The following MLC1 variants were observed in gnomAD, a reference collection of about 807,000 sequenced individuals.
The protein encoded by MLC1 is modulator of VRAC current 1.
In MLC1, 32 loss-of-function variants were observed where a neutral mutation model predicts 44.7. The observed-to-expected ratio is 0.72, with a 90% CI of 0.54 to 0.96. MLC1 has a LOEUF of 0.96. Among genes scored for constraint, MLC1 ranks in the 40% least tolerant of loss-of-function variants. The pLI is 0.00. For missense variants in MLC1, 459 were observed against 492.2 expected (o/e 0.93, Z 0.64); for synonymous variants, 190 against 213.0 (o/e 0.89, Z 0.94).
intron 8 of MLC1, among the ~76,000 whole-genome samples, chr22:50,071,382 G>A (rs917697370): frequency 2.0e-5 from 3 of 152,130 alleles, no homozygotes; most frequent in East Asian, 1.9e-4. Flanking sequence ...ATGAGCCACC[G>A]CACCTGGCCC....
chr22:50,085,088 A>C (rs1337107380), intron 1 of MLC1, 127 bp from the exon 2 acceptor site: 1 of 1,446,242 alleles, frequency 6.9e-7, no homozygotes, highest in Admixed American at 2.6e-5. Context: ...GAAGAAAATG[A>C]GCACTTGAAT....
At position 50,077,583 on chromosome 22, in the gene MLC1, C is replaced by T. The variant is rs576763327; in HGVS notation, c.424-81G>A. Reference sequence around the variant, plus strand: ...CTTCAGCGTCCACCGGACCACCTCACGGGCAGGCTGCGCAGGACTCTCAGC... The same window carrying T: ...CTTCAGCGTCCACCGGACCACCTCATGGGCAGGCTGCGCAGGACTCTCAGC... On this transcript the variant is annotated intron_variant, in intron 5 of 11. Coordinates refer to ENST00000311597, the MANE Select transcript of MLC1 (RefSeq NM_015166.4). 21 of 1,177,194 alleles carry T rather than the reference C, an allele frequency of 1.8e-5. No homozygotes were observed. In the African/African-American group the frequency reaches 2.0e-4, roughly 11 times the overall value. 72.9% of individuals were successfully genotyped at this position (1,177,194 alleles called of 1,614,324 possible). A position where few individuals can be genotyped will look rare whatever the true frequency, so the allele number is the denominator to read the frequency against.
intron 7 of MLC1, among the ~76,000 whole-genome samples, chr22:50,076,253 G>T (rs1188844668): frequency 6.6e-6 from 1 of 152,126 alleles, no homozygotes; most frequent in Non-Finnish European, 1.5e-5. Flanking sequence ...AAGAAAAGTT[G>T]AAAGTAAGAA....
Position 50,083,054 on chromosome 22 carries a change from A to C in MLC1, c.267+30T>G. Reference sequence around the variant, plus strand: ...AGAGCACGTGCCGGCGAGCTTGGGCACTGGCAGAGGCGTGGAGGAAGCTGC... The same window carrying C: ...AGAGCACGTGCCGGCGAGCTTGGGCCCTGGCAGAGGCGTGGAGGAAGCTGC... On this transcript the variant is annotated intron_variant, in intron 3 of 11. Transcript: ENST00000311597. The surrounding 1 kb of genome is among the most constrained non-coding windows in gnomAD (Gnocchi z 4.6). 11 of 1,606,230 alleles carry C rather than the reference A, an allele frequency of 6.8e-6. No individual in the cohort carries two copies. The highest frequency in any genetic ancestry group is 8.5e-6 in the Non-Finnish European group (10 of 1,173,032).
intron 11 of MLC1, among the ~76,000 whole-genome samples, chr22:50,062,885 A>G (rs919993747): frequency 6.6e-5 from 10 of 152,206 alleles, no homozygotes; most frequent in Admixed American, 5.9e-4. Flanking sequence ...TCTGCCTTTC[A>G]GATGTGGGGG....
intron 9 of MLC1, among the ~76,000 whole-genome samples, chr22:50,069,318 C>T (rs1453671706): frequency 6.6e-6 from 1 of 152,076 alleles, no homozygotes; most frequent in East Asian, 1.9e-4. Context: ...GAGCAGCCTG[C>T]CTTTTCATTC....
intron 10 of MLC1, 149 bp from the exon 11 acceptor site, chr22:50,064,347 A>G (rs2061658581): frequency 2.3e-6 from 2 of 870,630 alleles, no homozygotes; most frequent in Non-Finnish European, 3.6e-6. Context: ...CTATTTCAAC[A>G]ACCTGATGAT....
intron 3 of MLC1, 107 bp from the exon 4 acceptor site, chr22:50,080,504 A>G: frequency 8.1e-7 from 1 of 1,240,716 alleles, no homozygotes; most frequent in Non-Finnish European, 1.1e-6. Flanking sequence ...ATATTCACAA[A>G]ACAGTGTTGC....
intron 9 of MLC1, 148 bp downstream of exon 9, chr22:50,070,379 C>G (rs2061822048): frequency 1.2e-6 from 1 of 824,680 alleles, no homozygotes; most frequent in Non-Finnish European, 2.0e-6. Flanking sequence ...CTCCCACAAC[C>G]CCACCTTCCT....
At chr22:50,070,218 AC>A (rs749140436) in intron 9 of MLC1, among the ~76,000 whole-genome samples, 30 of 152,178 alleles carry the variant, frequency 2.0e-4, no homozygotes, top group Non-Finnish European at 4.1e-4. Context: ...AGAAAAAAAA[AC>A]AATCGACCAG....
Position 50,083,049 on chromosome 22 carries a change from T to G in MLC1, c.267+35A>C, listed in dbSNP as rs778179414. On this transcript the variant is annotated intron_variant, in intron 3 of 11. Coordinates refer to ENST00000311597, the MANE Select transcript of MLC1 (RefSeq NM_015166.4). The surrounding 1 kb of genome is among the most constrained non-coding windows in gnomAD (Gnocchi z 4.6). ...AAACCAGAGCACGTGCCGGCGAGCT[T>G]GGGCACTGGCAGAGGCGTGGAGGAA... The G allele has an allele frequency of 3.8e-6, 6 of 1,598,068 alleles. No homozygotes were observed. The highest frequency in any genetic ancestry group is 1.7e-5 in the Admixed American group (1 of 59,960).
At chr22:50,081,059 G>GAAAGAAAGAAAGAAAGAAAAAGAAA (rs1484447304) in intron 3 of MLC1, among the ~76,000 whole-genome samples, 1 of 19,176 alleles carries the variant, frequency 5.2e-5, no homozygotes, top group African/African-American at 1.4e-4. Flanking sequence ...GAAAGAAAGA[G>GAAAGAAAGAAAGAAAGAAAAAGAAA]GAGGTCTGGT....
Position 50,080,414 on chromosome 22 carries a change from A to G in MLC1, c.268-17T>C. 6.3e-7 allele frequency: 1 copy of G among 1,597,046 alleles called. No individual in the cohort carries two copies. Among genetic ancestry groups the G allele is most frequent in the South Asian group, 1.1e-5 (1 of 88,120 alleles). On this transcript the variant is annotated splice_polypyrimidine_tract_variant and intron_variant, in intron 3 of 11. Transcript: ENST00000311597. ...GGGGATGCACTGGAATGAAACCGGAATCCCATGAGCCTGCCGCTCACCTGA... is the reference window on the plus strand; with the variant it reads ...GGGGATGCACTGGAATGAAACCGGAGTCCCATGAGCCTGCCGCTCACCTGA...
chr22:50,068,628 TGG>T, intron 9 of MLC1, 73 bp from the exon 10 acceptor site: 1 of 659,194 alleles, frequency 1.5e-6, no homozygotes, highest in African/African-American at 2.6e-5. Context: ...TGGCCAGGGC[TGG>T]GGGGGCGGGC....
chr22:50,084,980 C>T lies in MLC1; in HGVS notation c.-59-19G>A, dbSNP rs768922420. On this transcript the variant is annotated intron_variant, in intron 1 of 11. Coordinates refer to ENST00000311597, the MANE Select transcript of MLC1 (RefSeq NM_015166.4). ...TCTTTATCTGGAATAAAATTATCAT[C>T]GGCTTTGGCCACTCTGAGGAAACTT... The T allele has an allele frequency of 2.5e-6, 4 of 1,579,952 alleles. No individual in the cohort carries two copies. The highest frequency in any genetic ancestry group is 2.6e-6 in the Non-Finnish European group (3 of 1,169,472).
chr22:50,067,819 C>T (rs894798411), intron 10 of MLC1, among the ~76,000 whole-genome samples: 1 of 135,458 alleles, frequency 7.4e-6, no homozygotes, highest in Non-Finnish European at 1.6e-5. Context: ...GTGACTCCAT[C>T]CCCCATCAGA....
intron 9 of MLC1, 107 bp downstream of exon 9, chr22:50,070,420 C>G (rs1410798983): frequency 1.8e-6 from 2 of 1,119,730 alleles, no homozygotes; most frequent in Non-Finnish European, 2.6e-6. Flanking sequence ...CCAGTCACTG[C>G]GCTCTCTTGG....
At chr22:50,084,540 A>T (rs2062232975) in intron 2 of MLC1, among the ~76,000 whole-genome samples, 186 bp downstream of exon 2, 1 of 152,186 alleles carries the variant, frequency 6.6e-6, no homozygotes, top group African/African-American at 2.4e-5. Context: ...GACACCCATA[A>T]ATTAATAAAA....
chr22:50,063,952 C>A (rs2061643179), intron 11 of MLC1, 82 bp downstream of exon 11: 2 of 1,444,496 alleles, frequency 1.4e-6, no homozygotes, highest in Admixed American at 2.0e-5. Context: ...CCCCCCACCC[C>A]ACAGGCTTCT....
Sources: gnomAD v4.1 joint callset for allele counts (sites outside exome capture counted in the v4.1 genomes callset) on GRCh38, gnomAD v4.1.1 for gene constraint, Gnocchi (gnomAD v3.1) non-coding constraint, MANE v1.5 for transcripts, NCBI Gene and HGNC (gene_info 2026-07-23, HGNC 2026-07-21) for gene names.